MYO3B: variants seen among roughly 807,000 people sequenced by gnomAD.
The protein encoded by MYO3B is myosin-IIIb.
A neutral mutation model predicts 174.6 loss-of-function variants in MYO3B; 156 were observed. The observed-to-expected ratio is 0.89, with a 90% CI of 0.78 to 1.02. The LOEUF (loss-of-function observed/expected upper bound fraction) is 1.02. MYO3B is among the 50% of genes least tolerant of loss of function. The pLI, the probability that MYO3B is intolerant of heterozygous loss-of-function variation, is 0.00. For missense variants in MYO3B, 1,632 were observed against 1,639.4 expected (o/e 1.00, Z 0.08); for synonymous variants, 563 against 569.1 (o/e 0.99, Z 0.15).
chr2:170,503,791 C>G (rs1687438997), intron 28 of MYO3B, among the ~76,000 whole-genome samples: 1 of 152,130 alleles, frequency 6.6e-6, no homozygotes, highest in Non-Finnish European at 1.5e-5. Flanking sequence ...GCACCAACAC[C>G]ACCTCTGCCC....
chr2:170,361,629 C>A (rs1182338463), intron 8 of MYO3B, among the ~76,000 whole-genome samples: 1 of 152,184 alleles, frequency 6.6e-6, no homozygotes, highest in Non-Finnish European at 1.5e-5. Flanking sequence ...GGTCAGTATG[C>A]CTTCAGTGAC....
At position 170,315,223 on chromosome 2, in the gene MYO3B, CTGAT is replaced by C. The variant is rs56933947; in HGVS notation, c.750-20158_750-20155del. Among the ~76,000 whole-genome samples, 674 of 152,220 alleles carry C rather than the reference CTGAT, an allele frequency of 4.4e-3. 8 individuals carry two copies. The highest frequency in any genetic ancestry group is 0.015 in the African/African-American group (633 of 41,540). On this transcript the variant is annotated intron_variant, in intron 7 of 34. Transcript: ENST00000408978. The stretch of plus-strand genomic sequence containing the variant: ...CTGAGAGTCTGCATTATTTTGCAGA[CTGAT>C]TGACTGATTTCTCAGAAATGTGTCA...
rs375030821 is a variant in MYO3B at position 170,407,791 on chromosome 2, C to T, written c.2597C>T (p.Thr866Met). The T allele has an allele frequency of 5.6e-6, 9 of 1,613,962 alleles. No homozygotes were observed. Among genetic ancestry groups the T allele is most frequent in the East Asian group, 2.2e-5 (1 of 44,886 alleles). Reference sequence around the variant, plus strand: ...GCCGATGTGGTTGTGGTCCTGAGAACGTCAGAAAACAAGCTTCTTCAGCAG... The same window carrying T: ...GCCGATGTGGTTGTGGTCCTGAGAATGTCAGAAAACAAGCTTCTTCAGCAG... ...LPADVVVVLR[T>M]SENKLLQQLF... Residue 866 changes from threonine (T) to methionine (M), a missense_variant, in exon 22 of 35, where the codon ACG becomes ATG. Coordinates refer to ENST00000408978, the MANE Select transcript of MYO3B (RefSeq NM_138995.5).
chr2:170,535,826 G>C (rs1303533423), intron 30 of MYO3B, among the ~76,000 whole-genome samples: 4 of 152,140 alleles, frequency 2.6e-5, no homozygotes, highest in Non-Finnish European at 1.5e-5. Context: ...ATAAAGCTCA[G>C]CTGTTCTAGC....
At chr2:170,229,130 G>C (rs1303678845) in intron 6 of MYO3B, among the ~76,000 whole-genome samples, 5 of 152,144 alleles carry the variant, frequency 3.3e-5, no homozygotes, top group Non-Finnish European at 7.3e-5. Context: ...TATTTATACT[G>C]TAACCACAAT....
chr2:170,538,115 T>C (rs1689848794), intron 30 of MYO3B, among the ~76,000 whole-genome samples: 1 of 152,136 alleles, frequency 6.6e-6, no homozygotes, highest in Non-Finnish European at 1.5e-5. Context: ...TCAACGCCTA[T>C]CCAAGCAAAA....
At chr2:170,373,852 A>C (rs1204862516) in intron 9 of MYO3B, among the ~76,000 whole-genome samples, 2 of 151,724 alleles carry the variant, frequency 1.3e-5, no homozygotes, top group Non-Finnish European at 2.9e-5. Context: ...AAACTTAGCA[A>C]GGTTTCAGAG....
chr2:170,257,286 A>G (rs1179282924), intron 7 of MYO3B, among the ~76,000 whole-genome samples: 1 of 152,170 alleles, frequency 6.6e-6, no homozygotes, highest in East Asian at 1.9e-4. Context: ...CAGAATATAC[A>G]TTCTTCTCAT....
intron 32 of MYO3B, among the ~76,000 whole-genome samples, chr2:170,593,803 A>G (rs13426056): frequency 6.6e-6 from 1 of 152,090 alleles, no homozygotes. Flanking sequence ...CCAGCTCTCT[A>G]TGATGTGCAC....
chr2:170,304,402 T>A (rs1167552253), intron 7 of MYO3B, among the ~76,000 whole-genome samples: 1 of 152,036 alleles, frequency 6.6e-6, no homozygotes, highest in Non-Finnish European at 1.5e-5. Flanking sequence ...TTTCAGGCCA[T>A]GTACACTTCA....
intron 32 of MYO3B, among the ~76,000 whole-genome samples, chr2:170,619,129 T>C (rs1474133168): frequency 6.6e-6 from 1 of 152,168 alleles, no homozygotes; most frequent in African/African-American, 2.4e-5. Flanking sequence ...TGAGGGCGTT[T>C]CTAGCCCTAT....
At position 170,514,951 on chromosome 2, in the gene MYO3B, A is replaced by G. The variant is rs1375465331; in HGVS notation, c.3401A>G (p.His1134Arg). 3 of 1,613,924 alleles carry G rather than the reference A, an allele frequency of 1.9e-6. No homozygotes were observed. In the Admixed American group the frequency reaches 5.0e-5, roughly 27 times the overall value. Residue 1134 changes from histidine (H) to arginine (R), a missense_variant, in exon 29 of 35, where the codon CAT becomes CGT. By Grantham distance (29) the His-to-Arg change is conservative. Transcript: ENST00000408978. ...GDTSNQSSGP[H>R]SPVAAGTRGS... The stretch of plus-strand genomic sequence containing the variant: ...ACTTCAAACCAAAGCAGTGGGCCAC[A>G]TTCCCCCGTCGCAGCAGGTACGAGG...
At chr2:170,606,653 A>G (rs1694824892) in intron 32 of MYO3B, among the ~76,000 whole-genome samples, 1 of 152,226 alleles carries the variant, frequency 6.6e-6, no homozygotes. Flanking sequence ...ATCAATGATG[A>G]GCATTGCTGT....
chr2:170,324,491 G>A (rs1264609248), intron 7 of MYO3B, among the ~76,000 whole-genome samples: 2 of 152,212 alleles, frequency 1.3e-5, no homozygotes, highest in African/African-American at 2.4e-5. Flanking sequence ...TGCTCCTAAT[G>A]TCGGAGGAGA....
At chr2:170,453,409 TACACAC>T (rs35558091) in intron 23 of MYO3B, among the ~76,000 whole-genome samples, 5,388 of 131,188 alleles carry the variant, frequency 0.041, 120 homozygotes, top group South Asian at 0.069. Context: ...GTTTACCATT[TACACAC>T]ACACACACAC....
intron 32 of MYO3B, among the ~76,000 whole-genome samples, chr2:170,547,036 C>G (rs980937774): frequency 1.3e-5 from 2 of 152,030 alleles, no homozygotes. Flanking sequence ...AGAAGTGTCC[C>G]TGGCACGGCG....
intron 7 of MYO3B, among the ~76,000 whole-genome samples, chr2:170,331,157 G>A (rs910512140): frequency 5.9e-5 from 9 of 152,208 alleles, no homozygotes; most frequent in Admixed American, 2.0e-4. Flanking sequence ...GCAGCACAGT[G>A]CTACAGCATC....
chr2:170,400,248 G>A lies in MYO3B; in HGVS notation c.1852G>A (p.Ala618Thr), dbSNP rs768789121. The change falls in exon 17 of 35, where the codon GCA becomes ACA. Residue 618 changes from alanine to threonine, a missense_variant. By Grantham distance (58) the Ala-to-Thr change is moderately conservative. Transcript: ENST00000408978. ...GILNIGNIEF[A>T]AISSQHQTDK... ...TTTGAATATTGGGAACATTGAGTTC[G>A]CAGCTATTTCCTCTCAACATCAGAC... 2.5e-5 allele frequency: 41 copies of A among 1,613,878 alleles called. No individual in the cohort carries two copies. Among genetic ancestry groups the A allele is most frequent in the African/African-American group, 2.4e-4 (18 of 74,852 alleles).
At chr2:170,225,404 A>G (rs755282711) in intron 6 of MYO3B, among the ~76,000 whole-genome samples, 4 of 152,242 alleles carry the variant, frequency 2.6e-5, no homozygotes, top group Non-Finnish European at 5.9e-5. Context: ...AGTGTACCAG[A>G]TAAGTCATGA....
Sources: gnomAD v4.1 joint callset for allele counts (sites outside exome capture counted in the v4.1 genomes callset) on GRCh38, gnomAD v4.1.1 for gene constraint, MANE v1.5 for transcripts, NCBI Gene and HGNC (gene_info 2026-07-23, HGNC 2026-07-21) for gene names.